EZH2: variants seen among roughly 807,000 people sequenced by gnomAD.
EZH2 encodes the protein histone-lysine N-methyltransferase EZH2.
Under a neutral mutation model 98.4 loss-of-function variants are expected in EZH2, and 18 were observed. The ratio of observed to expected loss-of-function variants is 0.18; its 90% confidence interval spans 0.13 to 0.27. EZH2 has a LOEUF of 0.27. Among genes scored for constraint, EZH2 ranks in the 10% least tolerant of loss-of-function variants. EZH2 has a pLI of 1.00. For missense variants in EZH2, 470 were observed against 935.1 expected (o/e 0.50, Z 6.49); for synonymous variants, 338 against 312.3 (o/e 1.08, Z -0.87).
intron 1 of EZH2, among the ~76,000 whole-genome samples, chr7:148,861,147 C>CAA (rs1817607451): frequency 6.6e-6 from 1 of 151,916 alleles, no homozygotes; most frequent in Admixed American, 6.6e-5. Flanking sequence ...TACTTTAAAT[C>CAA]ATCTGGCTCT....
chr7:148,816,454 C>T (rs1042162217), intron 12 of EZH2, among the ~76,000 whole-genome samples: 27 of 152,162 alleles, frequency 1.8e-4, no homozygotes, highest in South Asian at 6.2e-4. Context: ...GTCTGGTAAC[C>T]GTAATTTTTA....
At chr7:148,850,387 T>A (rs764675396) in intron 1 of EZH2, 39 of 525,358 alleles carry the variant, frequency 7.4e-5, no homozygotes, top group Non-Finnish European at 9.3e-5. Flanking sequence ...TATGTTTTAG[T>A]ACTAGAACTG....
intron 1 of EZH2, among the ~76,000 whole-genome samples, chr7:148,851,289 G>C (rs1238538227): frequency 6.6e-6 from 1 of 152,106 alleles, no homozygotes; most frequent in African/African-American, 2.4e-5. Flanking sequence ...CCTACTACCA[G>C]TTAGAGATCT....
At chr7:148,814,231 ACT>A (rs1803940589) in intron 14 of EZH2, 94 bp from the exon 15 acceptor site, 2 of 1,136,710 alleles carry the variant, frequency 1.8e-6, no homozygotes, top group African/African-American at 1.5e-5. Flanking sequence ...CATCTCACTG[ACT>A]CTCAACCCTC....
At chr7:148,864,922 T>C (rs1024299054) in intron 1 of EZH2, among the ~76,000 whole-genome samples, 1 of 151,448 alleles carries the variant, frequency 6.6e-6, no homozygotes, top group African/African-American at 2.4e-5. Flanking sequence ...AGGTCAGGAG[T>C]TGGAGATCAG....
chr7:148,849,521 T>G (rs1815119328), intron 1 of EZH2, among the ~76,000 whole-genome samples: 1 of 152,154 alleles, frequency 6.6e-6, no homozygotes, highest in East Asian at 1.9e-4. Context: ...ATCACCAAGA[T>G]AGAACTATTC....
chr7:148,853,464 G>A (rs568493742), intron 1 of EZH2, among the ~76,000 whole-genome samples: 5 of 152,140 alleles, frequency 3.3e-5, no homozygotes, highest in South Asian at 2.1e-4. Context: ...GATCCCTCAC[G>A]TGTGCAGCTT....
chr7:148,834,366 C>T (rs572149406), intron 3 of EZH2, among the ~76,000 whole-genome samples: 1,846 of 149,014 alleles, frequency 0.012, 52 homozygotes, highest in African/African-American at 0.044. Context: ...CACACACACA[C>T]ACACACACAC....
At chr7:148,856,477 C>T (rs1369392577) in intron 1 of EZH2, among the ~76,000 whole-genome samples, 1 of 152,072 alleles carries the variant, frequency 6.6e-6, no homozygotes, top group South Asian at 2.1e-4. Context: ...AGGGTCTGTC[C>T]AACAGAGGGC....
chr7:148,865,883 A>C (rs73747713), intron 1 of EZH2, among the ~76,000 whole-genome samples: 3,650 of 152,272 alleles, frequency 0.024, 138 homozygotes, highest in African/African-American at 0.084. Context: ...ATTATCTAGT[A>C]ATTTCAATTT....
chr7:148,840,172 T>C (rs1812070291), intron 3 of EZH2, among the ~76,000 whole-genome samples: 1 of 152,192 alleles, frequency 6.6e-6, no homozygotes, highest in Admixed American at 6.5e-5. Flanking sequence ...ATCATCTTGA[T>C]CTAATAATTC....
At chr7:148,881,355 C>T (rs762051134) in intron 1 of EZH2, among the ~76,000 whole-genome samples, 1 of 151,994 alleles carries the variant, frequency 6.6e-6, no homozygotes, top group South Asian at 2.1e-4. Flanking sequence ...GAGAAATTTG[C>T]CTAAAATTTT....
At chr7:148,860,339 A>C (rs1228847249) in intron 1 of EZH2, among the ~76,000 whole-genome samples, 1 of 152,170 alleles carries the variant, frequency 6.6e-6, no homozygotes, top group Non-Finnish European at 1.5e-5. Context: ...GAAGAAAAAA[A>C]AAAAAAGATT....
At chr7:148,850,521 T>C (rs1815449319) in intron 1 of EZH2, 3 of 737,856 alleles carry the variant, frequency 4.1e-6, no homozygotes, top group Non-Finnish European at 5.0e-6. Flanking sequence ...ACTAAATAGG[T>C]AGACCTGTGA....
intron 14 of EZH2, among the ~76,000 whole-genome samples, chr7:148,814,557 T>C (rs932294531): frequency 1.3e-5 from 2 of 151,314 alleles, no homozygotes; most frequent in African/African-American, 4.8e-5. Context: ...AAAACCCTCC[T>C]AACTCTGACG....
intron 1 of EZH2, among the ~76,000 whole-genome samples, chr7:148,871,241 G>A (rs573819951): frequency 6.6e-5 from 10 of 151,940 alleles, no homozygotes; most frequent in Non-Finnish European, 1.3e-4. Flanking sequence ...TGCACTGTGG[G>A]TAGGACTGTA....
rs996624654 is a variant in EZH2, at chr7:148,855,194, G to A, written c.-7-7889C>T. ...ATAAGGATTATTGGCCTTAGGCCAGGCCATGTTCTAGCTCAGCAGAGAGAG... is the reference window on the plus strand; with the variant it reads ...ATAAGGATTATTGGCCTTAGGCCAGACCATGTTCTAGCTCAGCAGAGAGAG... On this transcript the variant is annotated intron_variant, in intron 1 of 19. Transcript: ENST00000320356. Among the ~76,000 whole-genome samples, 4 of 152,264 alleles carry A rather than the reference G, an allele frequency of 2.6e-5. 1 individual carries two copies. In the South Asian group the frequency reaches 8.3e-4, roughly 31 times the overall value.
intron 4 of EZH2, among the ~76,000 whole-genome samples, chr7:148,832,005 A>G (rs887186108): frequency 6.6e-6 from 1 of 152,214 alleles, no homozygotes; most frequent in Admixed American, 6.5e-5. Flanking sequence ...AGTTGTTTTA[A>G]ATAATAAGTT....
chr7:148,836,137 A>T (rs1240238706), intron 3 of EZH2, among the ~76,000 whole-genome samples: 1 of 152,084 alleles, frequency 6.6e-6, no homozygotes, highest in Admixed American at 6.6e-5. Flanking sequence ...TTGAAACGAT[A>T]CTCAGCACAG....
Sources: gnomAD v4.1 joint callset for allele counts (sites outside exome capture counted in the v4.1 genomes callset) on GRCh38, gnomAD v4.1.1 for gene constraint, MANE v1.5 for transcripts, NCBI Gene and HGNC (gene_info 2026-07-23, HGNC 2026-07-21) for gene names.